CC2D1A: variants seen among roughly 807,000 people sequenced by gnomAD.
CC2D1A encodes coiled-coil and C2 domain containing 1A.
A neutral mutation model predicts 123.8 loss-of-function variants in CC2D1A; 68 were observed. That is an observed-to-expected ratio of 0.55 (90% confidence interval 0.45 to 0.67). The LOEUF (loss-of-function observed/expected upper bound fraction) is 0.67, where lower values mean the gene tolerates loss of function less well. Among genes scored for constraint, CC2D1A ranks in the 30% least tolerant of loss-of-function variants. The pLI is 0.00. For missense variants in CC2D1A, 1,185 were observed against 1,290.3 expected (o/e 0.92, Z 1.25); for synonymous variants, 477 against 528.0 (o/e 0.90, Z 1.32).
At chr19:13,912,685 C>G in intron 4 of CC2D1A, 92 bp downstream of exon 4, 2 of 1,285,894 alleles carry the variant, frequency 1.6e-6, no homozygotes, top group Non-Finnish European at 2.2e-6. Flanking sequence ...TGGAGTCTTG[C>G]TGTGTCACCC....
rs1486030099 is a variant in CC2D1A at position 13,927,280 on chromosome 19, T to C, written c.2316+15T>C. 1.3e-6 allele frequency: 2 copies of C among 1,597,434 alleles called. No homozygotes were observed. Among genetic ancestry groups the C allele is most frequent in the Admixed American group, 3.3e-5 (2 of 59,976 alleles). On this transcript the variant is annotated intron_variant, in intron 22 of 28. Coordinates refer to ENST00000318003, the MANE Select transcript of CC2D1A (RefSeq NM_017721.5). ...AGATCCTTGAGGTGAGAGGTGGACA[T>C]TCATCCGCGTGCTCCGGTATGGCCA...
rs60052809 is a variant in CC2D1A at position 13,920,306 on chromosome 19, C to G, written c.1357-251C>G. 6.7e-3 allele frequency: 3,549 copies of G among 527,254 alleles called. 110 individuals carry two copies. Among genetic ancestry groups the G allele is most frequent in the African/African-American group, 0.062 (2,981 of 48,330 alleles). The allele number at this position is 527,254 out of a possible 1,614,324, so 32.7% of individuals were successfully genotyped here. A position where few individuals can be genotyped will look rare whatever the true frequency, so the allele number is the denominator to read the frequency against. ...GGTGAGAATTGCTTGAACCGGGAGG[C>G]AGAGGTTGCAGTGAGCCAAGATCGT... On this transcript the variant is annotated intron_variant, in intron 12 of 28. Coordinates refer to ENST00000318003, the MANE Select transcript of CC2D1A (RefSeq NM_017721.5).
chr19:13,925,453 G>A (rs960753445), intron 17 of CC2D1A, among the ~76,000 whole-genome samples: 3 of 152,060 alleles, frequency 2.0e-5, no homozygotes, highest in African/African-American at 7.2e-5. Context: ...GGTGGTAGGC[G>A]CCCATAGTCC....
At chr19:13,913,370 C>A (rs1333455910) in intron 5 of CC2D1A, 34 bp from the exon 6 acceptor site, 1 of 1,608,660 alleles carries the variant, frequency 6.2e-7, no homozygotes, top group African/African-American at 1.3e-5. Flanking sequence ...AAGCTCTTGG[C>A]TTCTCCCAAA....
Position 13,927,055 on chromosome 19 carries a change from A to G in CC2D1A, c.2203A>G (p.Lys735Glu). ...AAGGGCCATCCAGACCAAGGGCATC[A>G]AGTTCGAAGTGGTTCACAAGGGGTG... is the stretch of plus-strand genomic sequence containing the variant. ...FRRAIQTKGIKFEVVHKGGLF... is the reference protein window; with the variant it reads ...FRRAIQTKGIEFEVVHKGGLF... The change falls in exon 21 of 29, where the codon AAG becomes GAG. Residue 735 changes from lysine (K) to glutamate (E), a missense_variant. Physicochemically the swap from Lys to Glu is moderately conservative, Grantham distance 56. Transcript: ENST00000318003. 1 of 1,614,064 alleles carries G rather than the reference A, an allele frequency of 6.2e-7. No individual in the cohort carries two copies. The highest frequency in any genetic ancestry group is 2.2e-5 in the East Asian group (1 of 44,874).
intron 6 of CC2D1A, among the ~76,000 whole-genome samples, chr19:13,914,003 TC>T (rs1251142422): frequency 2.6e-5 from 4 of 152,032 alleles, no homozygotes; most frequent in African/African-American, 9.7e-5. Context: ...TGCCTCAGCC[TC>T]CCAAGTAGCT....
chr19:13,926,482 C>G, intron 17 of CC2D1A, 35 bp from the exon 18 acceptor site: 1 of 1,601,472 alleles, frequency 6.2e-7, no homozygotes, highest in Non-Finnish European at 8.5e-7. Flanking sequence ...CTCTGTTTCC[C>G]TGCCCACCTG....
Position 13,924,011 on chromosome 19 carries a change from C to T in CC2D1A, c.1940+200C>T, listed in dbSNP as rs532436985. Among the ~76,000 whole-genome samples, 31 of 152,234 alleles carry T rather than the reference C, an allele frequency of 2.0e-4. 1 individual carries two copies. The highest frequency in any genetic ancestry group is 1.2e-3 in the South Asian group (6 of 4,822). On this transcript the variant is annotated intron_variant, in intron 17 of 28. Coordinates refer to ENST00000318003, the MANE Select transcript of CC2D1A (RefSeq NM_017721.5). ...GATGGTGAGGGTGCAGTCACAGTGA[C>T]GCATTTGGGAAAGATCTAGAGAGTG...
At chr19:13,909,441 C>T (rs908019179) in intron 1 of CC2D1A, among the ~76,000 whole-genome samples, 5 of 151,896 alleles carry the variant, frequency 3.3e-5, no homozygotes, top group Non-Finnish European at 7.4e-5. Context: ...CTGTATTGCC[C>T]AGGCTGGTCT....
chr19:13,922,061 G>GC (rs1237671036), intron 14 of CC2D1A, among the ~76,000 whole-genome samples: 4 of 152,208 alleles, frequency 2.6e-5, no homozygotes, highest in African/African-American at 9.7e-5. Context: ...GAATGCAGTG[G>GC]CACGACCTCA....
chr19:13,913,485 A>G lies in CC2D1A; in HGVS notation c.595A>G (p.Lys199Glu). The G allele has an allele frequency of 6.2e-7, 1 of 1,614,192 alleles. No homozygotes were observed. The highest frequency in any genetic ancestry group is 8.5e-7 in the Non-Finnish European group (1 of 1,180,034). ...ADIPPPVAIGKGPASTPTYSP... is the reference protein window; with the variant it reads ...ADIPPPVAIGEGPASTPTYSP... ...CATCCCGCCGCCAGTGGCCATAGGA[A>G]AAGGCCCGGCGTCCACGCCTACCTA... Residue 199 changes from lysine to glutamate, a missense_variant, in exon 6 of 29, where the codon AAA becomes GAA. By Grantham distance (56) the Lys-to-Glu change is moderately conservative. Transcript: ENST00000318003.
chr19:13,919,861 G>A lies in CC2D1A; in HGVS notation c.1266G>A (p.Gln422=), dbSNP rs905865043. The change falls in exon 12 of 29, where the codon CAG becomes CAA. Residue 422 remains glutamine (Q), a synonymous_variant. Transcript: ENST00000318003. ...IQGLEATKPT[Q]QSLVGVLETA... ...GCCTGGAGGCCACCAAGCCCACCCAGCAGAGTCTGGTGGGTGTCCTGGAGA... is the reference window on the plus strand; with the variant it reads ...GCCTGGAGGCCACCAAGCCCACCCAACAGAGTCTGGTGGGTGTCCTGGAGA... 1.9e-6 allele frequency: 3 copies of A among 1,612,180 alleles called. No individual in the cohort carries two copies. The highest frequency in any genetic ancestry group is 2.5e-6 in the Non-Finnish European group (3 of 1,179,270).
At chr19:13,908,686 G>A (rs1200831672) in intron 1 of CC2D1A, among the ~76,000 whole-genome samples, 1 of 151,412 alleles carries the variant, frequency 6.6e-6, no homozygotes, top group Non-Finnish European at 1.5e-5. Flanking sequence ...GGCTGGTCTC[G>A]AACTCCTGGA....
At chr19:13,910,940 C>T (rs1309293080) in intron 2 of CC2D1A, among the ~76,000 whole-genome samples, 2 of 148,618 alleles carry the variant, frequency 1.3e-5, no homozygotes, top group Admixed American at 6.8e-5. Context: ...AAGCTTCATT[C>T]AGGCATGAAC....
intron 1 of CC2D1A, among the ~76,000 whole-genome samples, chr19:13,909,399 CT>C (rs1205301058): frequency 1.1e-3 from 158 of 144,962 alleles, no homozygotes; most frequent in Admixed American, 1.7e-3. Flanking sequence ...AAACAAAAAA[CT>C]TTTTTTTTTT....
intron 2 of CC2D1A, among the ~76,000 whole-genome samples, chr19:13,910,215 G>A (rs182460889): frequency 2.0e-5 from 3 of 150,688 alleles, no homozygotes; most frequent in East Asian, 2.0e-4. Context: ...CGGCTAACAC[G>A]GTGAAACTCT....
chr19:13,918,528 CTGAGCCGGGG>C lies in CC2D1A; in HGVS notation c.905_914del (p.Arg302ProfsTer129). On this transcript the variant is annotated frameshift_variant, in exon 8 of 29. Coordinates refer to ENST00000318003, the MANE Select transcript of CC2D1A (RefSeq NM_017721.5). LOFTEE classifies it high-confidence loss of function. ...GAGCTTTGATGCTGTCTTGGAGGCC[CTGAGCCGGGG>C]TGAGCCCGTGGACCTCTCCTGCCTG... 6.2e-7 allele frequency: 1 copy of C among 1,613,924 alleles called. No individual in the cohort carries two copies. Among genetic ancestry groups the C allele is most frequent in the Non-Finnish European group, 8.5e-7 (1 of 1,179,972 alleles).
At chr19:13,924,874 T>A (rs1436121422) in intron 17 of CC2D1A, among the ~76,000 whole-genome samples, 3 of 152,172 alleles carry the variant, frequency 2.0e-5, no homozygotes, top group Non-Finnish European at 1.5e-5. Context: ...CCACACAGCC[T>A]GGCTCCTTGT....
In CC2D1A at chr19:13,927,190, T is replaced by C; in HGVS notation, c.2241T>C (p.Thr747=). ...EVVHKGGLFK[T]DRVLGTAQLK... is the part of the protein sequence containing the mutation. The stretch of plus-strand genomic sequence containing the variant: ...ATGCACACAGGGGGCTGTTCAAGAC[T>C]GACCGGGTGCTGGGGACAGCCCAGC... Residue 747 remains threonine (T), a synonymous_variant, in exon 22 of 29, where the codon ACT becomes ACC. Transcript: ENST00000318003. The C allele has an allele frequency of 6.2e-7, 1 of 1,614,112 alleles. No individual in the cohort carries two copies. Among genetic ancestry groups the C allele is most frequent in the African/African-American group, 1.3e-5 (1 of 75,044 alleles).
Sources: gnomAD v4.1 joint callset for allele counts (sites outside exome capture counted in the v4.1 genomes callset) on GRCh38, gnomAD v4.1.1 for gene constraint, MANE v1.5 for transcripts, NCBI Gene and HGNC (gene_info 2026-07-23, HGNC 2026-07-21) for gene names.